The following OTOA variants were observed in gnomAD, a reference collection of about 807,000 sequenced individuals.
The protein encoded by OTOA is otoancorin.
A neutral mutation model predicts 110.8 loss-of-function variants in OTOA; 70 were observed. The observed-to-expected ratio is 0.63, with a 90% confidence interval of 0.52 to 0.77. OTOA has a LOEUF of 0.77. Ranked by LOEUF, OTOA falls within the 30% of genes least tolerant of loss-of-function variation. OTOA has a pLI of 0.00. For synonymous variants in OTOA, 373 were observed against 431.5 expected, an observed-to-expected ratio of 0.86 and a Z score of 1.68; for missense variants, 917 against 1,075.8, an observed-to-expected ratio of 0.85 and a Z score of 2.06.
At chr16:21,734,933 G>A (rs1285783226) in intron 21 of OTOA, among the ~76,000 whole-genome samples, 2 of 152,144 alleles carry the variant, frequency 1.3e-5, no homozygotes, top group East Asian at 3.9e-4. Context: ...GAGGCCAGGA[G>A]TTTGAGACCA....
intron 10 of OTOA, among the ~76,000 whole-genome samples, chr16:21,699,956 T>A (rs1898019784): frequency 6.6e-6 from 1 of 151,214 alleles, no homozygotes; most frequent in African/African-American, 2.4e-5. Context: ...AAAACAAAAA[T>A]AAAATAAAAA....
chr16:21,722,890 T>G lies in OTOA; in HGVS notation c.1807-15T>G, dbSNP rs1441299145. 5 of 1,611,592 alleles carry G rather than the reference T, an allele frequency of 3.1e-6. No individual in the cohort carries two copies. The Middle Eastern group carries it at 6.6e-4, about 212-fold the overall frequency. On this transcript the variant is annotated splice_polypyrimidine_tract_variant and intron_variant, in intron 17 of 28. Coordinates refer to ENST00000646100, the MANE Select transcript of OTOA (RefSeq NM_144672.4). ...TCTTACTGCATTAAATCCCCAGAAC[T>G]GCTTAATCTTTCAGGTTAATTGTTT...
chr16:21,758,089 G>C, intron 28 of OTOA, among the ~76,000 whole-genome samples: 1 of 151,858 alleles, frequency 6.6e-6, no homozygotes, highest in Non-Finnish European at 1.5e-5. Flanking sequence ...TGAGGGCTGA[G>C]CTAAGATAGA....
chr16:21,664,470 A>G (rs1966826309), intron 1 of OTOA, among the ~76,000 whole-genome samples: 1 of 152,246 alleles, frequency 6.6e-6, no homozygotes, highest in African/African-American at 2.4e-5. Flanking sequence ...ATCCAAAACT[A>G]CTTAGTAATA....
chr16:21,714,235 C>A (rs947711325), intron 13 of OTOA, among the ~76,000 whole-genome samples: 2 of 143,320 alleles, frequency 1.4e-5, no homozygotes, highest in African/African-American at 5.2e-5. Flanking sequence ...CTCTTTCTTT[C>A]TTTCCTTTCT....
intron 6 of OTOA, among the ~76,000 whole-genome samples, chr16:21,684,748 T>A (rs1597808996): frequency 1.3e-5 from 1 of 77,626 alleles, no homozygotes; most frequent in Non-Finnish European, 3.1e-5. Flanking sequence ...ATTATTATTA[T>A]TATTATTATT....
chr16:21,724,934 G>A (rs1288387519), intron 18 of OTOA, among the ~76,000 whole-genome samples: 4 of 151,868 alleles, frequency 2.6e-5, no homozygotes, highest in Non-Finnish European at 5.9e-5. Flanking sequence ...GCGCCACCAC[G>A]CCTGGCTAAT....
chr16:21,714,485 CCTCT>C (rs759140476), intron 13 of OTOA, among the ~76,000 whole-genome samples: 2,734 of 111,668 alleles, frequency 0.024, 36 homozygotes, highest in Middle Eastern at 0.05. Flanking sequence ...CTTTCCTCTC[CCTCT>C]CTCTCTCTCT....
intron 20 of OTOA, among the ~76,000 whole-genome samples, chr16:21,728,911 G>A (rs540254929): frequency 6.6e-6 from 1 of 152,130 alleles, no homozygotes; most frequent in African/African-American, 2.4e-5. Context: ...GCTGTAAAGT[G>A]GAATCAATAG....
At position 21,736,338 on chromosome 16, in the gene OTOA, T is replaced by A; in HGVS notation, c.2379T>A (p.Phe793Leu). The change falls in exon 22 of 29, where the codon TTT (phenylalanine) becomes TTA (leucine). Residue 793 changes from phenylalanine (F) to leucine (L), a missense_variant. By Grantham distance (22) the Phe-to-Leu change is conservative. Around this residue, in one of 6 missense-constraint regions of OTOA, gnomAD observed 57 missense variants for 59.7 expected, o/e 0.96. Transcript: ENST00000646100. The part of the protein sequence containing the change: ...LPTKEFLWAV[F>L]QSVRNSSDKI... ...CTAAAGAATTCCTCTGGGCTGTCTTTCAGTCTGTTCGGAACAGCAGTGATA... is the reference window on the plus strand; with the variant it reads ...CTAAAGAATTCCTCTGGGCTGTCTTACAGTCTGTTCGGAACAGCAGTGATA... 1 of 1,614,190 alleles carries A rather than the reference T, an allele frequency of 6.2e-7. No homozygotes were observed. The highest frequency in any genetic ancestry group is 8.5e-7 in the Non-Finnish European group (1 of 1,180,030).
intron 13 of OTOA, among the ~76,000 whole-genome samples, 171 bp from the exon 14 acceptor site, chr16:21,714,814 C>T (rs930790237): frequency 3.9e-5 from 6 of 152,116 alleles, no homozygotes; most frequent in African/African-American, 1.4e-4. Context: ...CTGGCCAACT[C>T]TCTTTCTTGA....
At chr16:21,714,460 CT>C (rs1344391659) in intron 13 of OTOA, among the ~76,000 whole-genome samples, 1 of 137,940 alleles carries the variant, frequency 7.2e-6, no homozygotes, top group African/African-American at 2.7e-5. Flanking sequence ...CTCTCTCTCT[CT>C]TCTTTCTTTC....
In OTOA at chr16:21,731,183, G is replaced by A. The variant is rs189132407; in HGVS notation, c.2301+253G>A. ...GATGTGTGCAGACAGATATTACTTA[G>A]CTACCACTCTGCTATTAGTGTGCAT... On this transcript the variant is annotated intron_variant, in intron 21 of 28. Transcript: ENST00000646100. 2.5e-3 allele frequency among the ~76,000 whole-genome samples: 387 copies of A among 152,294 alleles called. 2 individuals carry two copies. Among genetic ancestry groups the A allele is most frequent in the African/African-American group, 8.7e-3 (361 of 41,556 alleles).
intron 11 of OTOA, among the ~76,000 whole-genome samples, chr16:21,703,739 AG>A (rs1401227740): frequency 2.6e-5 from 4 of 152,132 alleles, no homozygotes; most frequent in African/African-American, 9.7e-5. Flanking sequence ...TCGCTCTGAG[AG>A]GGTGGAGCCA....
intron 11 of OTOA, among the ~76,000 whole-genome samples, chr16:21,703,472 A>G (rs1898092307): frequency 6.6e-6 from 1 of 152,126 alleles, no homozygotes; most frequent in Non-Finnish European, 1.5e-5. Context: ...TTCAAAGCTG[A>G]AGAGCATTCC....
At chr16:21,692,567 G>A (rs1239229626) in intron 9 of OTOA, among the ~76,000 whole-genome samples, 2 of 152,154 alleles carry the variant, frequency 1.3e-5, no homozygotes, top group East Asian at 3.9e-4. Flanking sequence ...GATATGGCTG[G>A]TAGTGACGGT....
At chr16:21,758,837 A>G (rs1597873596) in intron 28 of OTOA, among the ~76,000 whole-genome samples, 1 of 151,696 alleles carries the variant, frequency 6.6e-6, no homozygotes, top group African/African-American at 2.4e-5. Context: ...CCCCGTCTCT[A>G]CTAAAAATAC....
rs1294704988 is a variant in OTOA, at chr16:21,701,206, G to T, written c.980+179G>T. ...TGTCTGCAACTTTTTTTATGAAGAG[G>T]TTATGAAGCTGGGTGAAAGGATAAA... On this transcript the variant is annotated intron_variant, in intron 11 of 28. Coordinates refer to ENST00000646100, the MANE Select transcript of OTOA (RefSeq NM_144672.4). The T allele has an allele frequency of 2.7e-5, 24 of 873,598 alleles. 1 individual carries two copies. The highest frequency in any genetic ancestry group is 4.1e-5 in the Non-Finnish European group (23 of 555,438). 54.1% of individuals were successfully genotyped at this position (873,598 alleles called of 1,614,324 possible). A position where few individuals can be genotyped will look rare whatever the true frequency, so the allele number is the denominator to read the frequency against.
chr16:21,672,322 T>C (rs1004638315), intron 1 of OTOA, among the ~76,000 whole-genome samples: 1 of 152,166 alleles, frequency 6.6e-6, no homozygotes, highest in South Asian at 2.1e-4. Context: ...ATTTTATTTA[T>C]TTAAAAAATT....
Sources: allele counts gnomAD v4.1 joint callset (sites outside exome capture counted in the v4.1 genomes callset), GRCh38; gene constraint gnomAD v4.1.1; regional missense constraint gnomAD v4.1.1; transcripts MANE v1.5; gene names NCBI Gene and HGNC (gene_info 2026-07-23, HGNC 2026-07-21).